The following ZSCAN23 variants were observed in gnomAD, a reference collection of about 807,000 sequenced individuals.
The protein encoded by ZSCAN23 is zinc finger and SCAN domain containing 23.
ZSCAN23 carries 19 observed loss-of-function variants against 19.3 expected under a neutral mutation model. That is an observed-to-expected ratio of 0.99 (90% CI 0.69 to 1.45). The LOEUF (loss-of-function observed/expected upper bound fraction) is 1.45, where lower values mean the gene tolerates loss of function less well. Ranked by LOEUF, ZSCAN23 falls within the 40% of genes most tolerant of loss-of-function variation. The probability of loss-of-function intolerance (pLI) is 0.00; values close to 1 mark genes in which losing one functional copy is unlikely to be tolerated. For synonymous variants in ZSCAN23, 140 were observed against 166.2 expected, an observed-to-expected ratio of 0.84 and a Z score of 1.21; for missense variants, 372 against 462.5, an observed-to-expected ratio of 0.80 and a Z score of 1.79.
chr6:28,432,397 T>C (rs755699851), downstream of ZSCAN23, among the ~76,000 whole-genome samples: 19 of 152,162 alleles, frequency 1.2e-4, no homozygotes, highest in Non-Finnish European at 2.5e-4. Context: ...TCAGGAAATA[T>C]AAGTTTTTTA....
chr6:28,427,117 AGT>A (rs1761672238), downstream of ZSCAN23, among the ~76,000 whole-genome samples: 1 of 152,178 alleles, frequency 6.6e-6, no homozygotes, highest in South Asian at 2.1e-4. Flanking sequence ...ATTTTAGAAT[AGT>A]GTGCATGTCA....
At chr6:28,425,834 T>C in the ZSCAN23 span, among the ~76,000 whole-genome samples, 4 of 152,252 alleles carry the variant, frequency 2.6e-5, no homozygotes, top group Non-Finnish European at 5.9e-5. Flanking sequence ...ATAGCCACCT[T>C]CATCCACTAT....
At chr6:28,424,966 C>A in the ZSCAN23 span, among the ~76,000 whole-genome samples, 41,463 of 152,034 alleles carry the variant, frequency 0.27, 6,086 homozygotes, top group African/African-American at 0.38. Flanking sequence ...TTGCTCAGAT[C>A]CATCAGAGGA....
At chr6:28,443,256 A>G (rs1265108427) in intron 1 of ZSCAN23, 143 bp downstream of exon 1, 1 of 152,564 alleles carries the variant, frequency 6.6e-6, no homozygotes, top group Admixed American at 6.5e-5. Context: ...CAGGCTGCGG[A>G]GCAACCTCCT....
Position 28,441,866 on chromosome 6 carries a change from GGTT to G in ZSCAN23, c.-78+1530_-78+1532del, listed in dbSNP as rs1403647974. 4.8e-5 allele frequency among the ~76,000 whole-genome samples: 7 copies of G among 145,924 alleles called. No individual in the cohort carries two copies. In the South Asian group the frequency reaches 6.6e-4, roughly 14 times the overall value. ...GATAGCAGAGAACACAGGCAGATCT[GGTT>G]GTTAATTTTTTTTTTTTTTTTTTTG... On this transcript the variant is annotated intron_variant, in intron 1 of 3. Transcript: ENST00000289788.
At chr6:28,430,255 A>T (rs536766661), downstream of ZSCAN23, among the ~76,000 whole-genome samples, 45 of 152,198 alleles carry the variant, frequency 3.0e-4, 1 homozygote, top group Middle Eastern at 3.4e-3. Flanking sequence ...CGAGCACCTT[A>T]GAGCCCAACC....
chr6:28,435,098 A>C lies in ZSCAN23; in HGVS notation c.557-20T>G. The C allele has an allele frequency of 6.7e-7, 1 of 1,501,510 alleles. No homozygotes were observed. Among genetic ancestry groups the C allele is most frequent in the Non-Finnish European group, 8.9e-7 (1 of 1,124,640 alleles). 93.0% of individuals were successfully genotyped at this position (1,501,510 alleles called of 1,614,324 possible). On this transcript the variant is annotated intron_variant, in intron 3 of 3. Transcript: ENST00000289788. ...TGCCATCTAAAATAACGATAACATG[A>C]AAGATAACATGAAGTATGAAAAATA...
At chr6:28,424,284 T>C in the ZSCAN23 span, among the ~76,000 whole-genome samples, 1 of 152,234 alleles carries the variant, frequency 6.6e-6, no homozygotes, top group Non-Finnish European at 1.5e-5. Flanking sequence ...AGATACTTTA[T>C]TGCTAAAAAA....
At chr6:28,422,624 G>C in the ZSCAN23 span, among the ~76,000 whole-genome samples, 1 of 152,034 alleles carries the variant, frequency 6.6e-6, no homozygotes, top group Non-Finnish European at 1.5e-5. The surrounding 1 kb of genome is among the most constrained non-coding windows in gnomAD (Gnocchi z 4.0). Context: ...CTGTCTTTGC[G>C]ATAAGAGGTC....
At chr6:28,425,215 A>G in the ZSCAN23 span, among the ~76,000 whole-genome samples, 2 of 152,204 alleles carry the variant, frequency 1.3e-5, no homozygotes, top group Non-Finnish European at 2.9e-5. Flanking sequence ...AGGTCTCAAC[A>G]GTGGGCTTAA....
At position 28,435,976 on chromosome 6, in the gene ZSCAN23, C is replaced by T; in HGVS notation, c.291G>A (p.Leu97=). Residue 97 remains leucine (L), a synonymous_variant, in exon 2 of 4, where the codon CTG becomes CTA. Transcript: ENST00000289788. The part of the protein sequence containing the change: ...ILELLVLEQF[L]TILPEELQAW... ...CCTGGAGCTCCTCAGGCAGGATAGT[C>T]AGGAACTGCTCCAGCACCAGCAGCT... is the stretch of plus-strand genomic sequence containing the variant. 1 of 1,614,190 alleles carries T rather than the reference C, an allele frequency of 6.2e-7. No individual in the cohort carries two copies. The highest frequency in any genetic ancestry group is 8.5e-7 in the Non-Finnish European group (1 of 1,180,028).
downstream of ZSCAN23, among the ~76,000 whole-genome samples, chr6:28,429,074 C>G (rs1330509957): frequency 6.6e-6 from 1 of 152,104 alleles, no homozygotes; most frequent in Non-Finnish European, 1.5e-5. Flanking sequence ...ATAACTATCC[C>G]TCAAGGTCCA....
At chr6:28,422,549 A>G in the ZSCAN23 span, among the ~76,000 whole-genome samples, 97 of 152,326 alleles carry the variant, frequency 6.4e-4, no homozygotes, top group African/African-American at 2.3e-3. This position sits in a 1 kb window ranked among gnomAD's most constrained non-coding sequence, Gnocchi z 4.0. Flanking sequence ...TACATTTAAA[A>G]ATTTACTAAT....
downstream of ZSCAN23, among the ~76,000 whole-genome samples, chr6:28,430,385 C>G (rs570446928): frequency 2.0e-5 from 3 of 152,118 alleles, no homozygotes; most frequent in African/African-American, 7.2e-5. Context: ...AAACAACCAA[C>G]CAACCAACCA....
chr6:28,441,933 G>C (rs1382253289), intron 1 of ZSCAN23, among the ~76,000 whole-genome samples: 1 of 147,480 alleles, frequency 6.8e-6, no homozygotes, highest in African/African-American at 2.5e-5. Context: ...CGGGAGTGCA[G>C]TGGTGCGATC....
intron 1 of ZSCAN23, among the ~76,000 whole-genome samples, chr6:28,439,604 T>C (rs1347693674): frequency 1.3e-5 from 2 of 152,196 alleles, no homozygotes; most frequent in East Asian, 3.9e-4. Flanking sequence ...GGAATTTACA[T>C]CCTAATAACA....
chr6:28,429,841 A>G (rs551631598), downstream of ZSCAN23, among the ~76,000 whole-genome samples: 1 of 152,304 alleles, frequency 6.6e-6, no homozygotes, highest in East Asian at 1.9e-4. Context: ...AGCATCTTGC[A>G]TGGGTAGAAG....
the ZSCAN23 span, among the ~76,000 whole-genome samples, chr6:28,425,864 T>A: frequency 3.3e-5 from 5 of 152,250 alleles, no homozygotes; most frequent in South Asian, 2.1e-4. Context: ...GTTTTCTGAA[T>A]AACTTGCTGC....
chr6:28,434,670 T>G lies in ZSCAN23; in HGVS notation c.965A>C (p.His322Pro). ...KAFSQNAGLF[H>P]HLRIHTGEKP... ...CTCCCCAGTGTGAATTCTGAGGTGA[T>G]GGAAAAGCCCGGCATTCTGGCTGAA... is the stretch of plus-strand genomic sequence containing the variant. Residue 322 changes from histidine (H) to proline (P), a missense_variant, in exon 4 of 4, where the codon CAT becomes CCT. Transcript: ENST00000289788. The G allele has an allele frequency of 1.3e-6, 2 of 1,572,818 alleles. No homozygotes were observed. Among genetic ancestry groups the G allele is most frequent in the Non-Finnish European group, 1.7e-6 (2 of 1,158,926 alleles).
Sources: gnomAD v4.1 joint callset for allele counts (sites outside exome capture counted in the v4.1 genomes callset) on GRCh38, gnomAD v4.1.1 for gene constraint, Gnocchi (gnomAD v3.1) non-coding constraint, MANE v1.5 for transcripts, NCBI Gene and HGNC (gene_info 2026-07-23, HGNC 2026-07-21) for gene names.